Variants in GHR observed in about 807,000 individuals in gnomAD.
The protein encoded by GHR is growth hormone receptor, also known as GH receptor.
Under a neutral mutation model 67.1 loss-of-function variants are expected in GHR, and 35 were observed. The observed-to-expected ratio is 0.52, with a 90% CI of 0.40 to 0.69. GHR has a LOEUF of 0.69. Ranked by LOEUF, GHR falls within the 30% of genes least tolerant of loss-of-function variation. The probability of loss-of-function intolerance (pLI) is 0.00; values close to 1 mark genes in which losing one functional copy is unlikely to be tolerated. For missense variants in GHR, 792 were observed against 764.6 expected (o/e 1.04, Z -0.42); for synonymous variants, 272 against 269.1 (o/e 1.01, Z -0.10).
chr5:42,587,689 T>A (rs1459745311), intron 2 of GHR, among the ~76,000 whole-genome samples: 1 of 152,086 alleles, frequency 6.6e-6, no homozygotes, highest in African/African-American at 2.4e-5. Flanking sequence ...TTTTGTTTTT[T>A]TAAGAAACAG....
Position 42,718,822 on chromosome 5 carries a change from G to A in GHR, c.1315G>A (p.Ala439Thr), listed in dbSNP as rs747073749. 1 of 1,614,078 alleles carries A rather than the reference G, an allele frequency of 6.2e-7. No homozygotes were observed. Among genetic ancestry groups the A allele is most frequent in the South Asian group, 1.1e-5 (1 of 91,078 alleles). Reference sequence around the variant, plus strand: ...TCAAAATAACTCACCTTATCATGATGCTTGCCCTGCTACTCAGCAGCCCAG... The same window carrying A: ...TCAAAATAACTCACCTTATCATGATACTTGCCCTGCTACTCAGCAGCCCAG... Reference protein sequence around the residue: ...KNQNNSPYHDACPATQQPSVI... With the variant: ...KNQNNSPYHDTCPATQQPSVI... The change falls in exon 10 of 10, where the codon GCT becomes ACT. Residue 439 changes from alanine to threonine, a missense_variant. Transcript: ENST00000230882.
intron 5 of GHR, 136 bp from the exon 6 acceptor site, chr5:42,699,688 A>G (rs879628860): frequency 1.4e-6 from 1 of 700,956 alleles, no homozygotes; most frequent in Non-Finnish European, 2.6e-6. Flanking sequence ...GAAAGTTATA[A>G]TAAGAAAAAT....
chr5:42,473,181 G>A (rs535069716), intron 1 of GHR, among the ~76,000 whole-genome samples: 1 of 152,104 alleles, frequency 6.6e-6, no homozygotes, highest in Non-Finnish European at 1.5e-5. Context: ...GTGATCAGTA[G>A]AATATGTAGT....
At chr5:42,552,902 T>C (rs1442286517) in intron 1 of GHR, among the ~76,000 whole-genome samples, 1 of 152,186 alleles carries the variant, frequency 6.6e-6, no homozygotes, top group Non-Finnish European at 1.5e-5. Flanking sequence ...AGCTGTAAAT[T>C]ATTTACTAGT....
intron 1 of GHR, among the ~76,000 whole-genome samples, chr5:42,555,569 G>C (rs1291664072): frequency 6.6e-6 from 1 of 152,140 alleles, no homozygotes; most frequent in South Asian, 2.1e-4. Flanking sequence ...CTGTCTGTGT[G>C]AGCTTGGGAG....
chr5:42,708,524 A>G (rs899067700), intron 6 of GHR, among the ~76,000 whole-genome samples: 6 of 152,156 alleles, frequency 3.9e-5, no homozygotes, highest in African/African-American at 9.7e-5. Context: ...TTTCATTTCA[A>G]TTTCTAATAC....
At chr5:42,442,003 G>T (rs897413400) in intron 1 of GHR, among the ~76,000 whole-genome samples, 9 of 152,184 alleles carry the variant, frequency 5.9e-5, no homozygotes, top group Admixed American at 2.6e-4. Context: ...GAGGAGAGAT[G>T]ATCTCTATCC....
intron 1 of GHR, among the ~76,000 whole-genome samples, chr5:42,462,840 T>C (rs1744546685): frequency 1.3e-5 from 2 of 152,126 alleles, no homozygotes; most frequent in South Asian, 2.1e-4. Context: ...AAATGCATTA[T>C]TGAAATGGAA....
intron 1 of GHR, among the ~76,000 whole-genome samples, chr5:42,562,613 T>C (rs979789202): frequency 6.6e-6 from 1 of 151,762 alleles, no homozygotes; most frequent in Non-Finnish European, 1.5e-5. Context: ...TATGGACATA[T>C]GTTCAGCTTG....
chr5:42,537,576 C>CATAT (rs1748315553), intron 1 of GHR, among the ~76,000 whole-genome samples: 1 of 152,074 alleles, frequency 6.6e-6, no homozygotes, highest in Non-Finnish European at 1.5e-5. Flanking sequence ...TATGGCCTAT[C>CATAT]ATATGGTCTA....
At chr5:42,538,737 G>C (rs1748374648) in intron 1 of GHR, among the ~76,000 whole-genome samples, 1 of 152,066 alleles carries the variant, frequency 6.6e-6, no homozygotes, top group South Asian at 2.1e-4. Context: ...GCAAGGCTGG[G>C]GAAGTTTTCC....
At chr5:42,708,268 T>G (rs1398915818) in intron 6 of GHR, among the ~76,000 whole-genome samples, 3 of 152,156 alleles carry the variant, frequency 2.0e-5, no homozygotes, top group Non-Finnish European at 4.4e-5. Context: ...TTTATCTGTG[T>G]GAGGCCAGGT....
intron 1 of GHR, among the ~76,000 whole-genome samples, chr5:42,469,798 C>T (rs977985410): frequency 6.6e-6 from 1 of 152,148 alleles, no homozygotes; most frequent in Non-Finnish European, 1.5e-5. Context: ...CAAGTTTGGA[C>T]TTTACCTGGG....
At chr5:42,428,690 G>A (rs1742959656) in intron 1 of GHR, among the ~76,000 whole-genome samples, 1 of 152,162 alleles carries the variant, frequency 6.6e-6, no homozygotes, top group Non-Finnish European at 1.5e-5. Flanking sequence ...CTCTAGGACA[G>A]GGGAAAAATG....
At chr5:42,663,908 A>G (rs1755805844) in intron 3 of GHR, among the ~76,000 whole-genome samples, 1 of 152,248 alleles carries the variant, frequency 6.6e-6, no homozygotes, top group Non-Finnish European at 1.5e-5. Flanking sequence ...CTCAGGATAC[A>G]AAATCAATGT....
At chr5:42,505,335 TTAAG>T (rs1204813697) in intron 1 of GHR, among the ~76,000 whole-genome samples, 1 of 152,040 alleles carries the variant, frequency 6.6e-6, no homozygotes, top group East Asian at 1.9e-4. Flanking sequence ...ATTTTGCTGC[TTAAG>T]TGTTTATTTT....
At chr5:42,704,540 T>G (rs1206305152) in intron 6 of GHR, among the ~76,000 whole-genome samples, 1 of 151,964 alleles carries the variant, frequency 6.6e-6, no homozygotes, top group African/African-American at 2.4e-5. Flanking sequence ...CTTTCATGGT[T>G]TGGGTATAAG....
intron 1 of GHR, among the ~76,000 whole-genome samples, chr5:42,510,580 C>T (rs530748436): frequency 6.6e-6 from 1 of 152,252 alleles, no homozygotes; most frequent in Non-Finnish European, 1.5e-5. Flanking sequence ...TCTTATACAA[C>T]ATAAAAAACT....
rs560677871 is a variant in GHR, at chr5:42,610,094, G to A, written c.71-18944G>A. Reference sequence around the variant, plus strand: ...TTTTTTTATTCATGTGTCATAGAAGGGAAAGGAAATTTCTAAAGGAGTAAG... The same window carrying A: ...TTTTTTTATTCATGTGTCATAGAAGAGAAAGGAAATTTCTAAAGGAGTAAG... On this transcript the variant is annotated intron_variant, in intron 2 of 9. Coordinates refer to ENST00000230882, the MANE Select transcript of GHR (RefSeq NM_000163.5). 2.0e-5 allele frequency among the ~76,000 whole-genome samples: 3 copies of A among 152,220 alleles called. No individual in the cohort carries two copies. In the East Asian group the frequency reaches 5.8e-4, roughly 29 times the overall value.
Sources: gnomAD v4.1 joint callset for allele counts (sites outside exome capture counted in the v4.1 genomes callset) on GRCh38, gnomAD v4.1.1 for gene constraint, MANE v1.5 for transcripts, NCBI Gene and HGNC (gene_info 2026-07-23, HGNC 2026-07-21) for gene names.